GPC6: variants seen among roughly 807,000 people sequenced by gnomAD.
GPC6 encodes the protein glypican 6, also known as glypican-6.
Under a neutral mutation model 55.2 loss-of-function variants are expected in GPC6, and 14 were observed. The ratio of observed to expected loss-of-function variants is 0.25; its 90% CI spans 0.17 to 0.40. The LOEUF is 0.40. Ranked by LOEUF, GPC6 falls within the 10% of genes least tolerant of loss-of-function variation. The pLI is 1.00. For synonymous variants in GPC6, 278 were observed against 259.6 expected (o/e 1.07, Z -0.68); for missense variants, 641 against 708.5 (o/e 0.90, Z 1.08).
intron 4 of GPC6, among the ~76,000 whole-genome samples, chr13:94,196,392 C>T (rs1457919824): frequency 2.0e-5 from 3 of 152,122 alleles, no homozygotes; most frequent in Non-Finnish European, 4.4e-5. Flanking sequence ...TGTAGCTGAA[C>T]TTCATGTTAA....
At chr13:93,235,640 G>C (rs1191990880) in intron 1 of GPC6, among the ~76,000 whole-genome samples, 1 of 152,024 alleles carries the variant, frequency 6.6e-6, no homozygotes, top group East Asian at 1.9e-4. Flanking sequence ...AAGATTAAAA[G>C]GGAAAATTTT....
At position 94,192,597 on chromosome 13, in the gene GPC6, A is replaced by G. The variant is rs186096242; in HGVS notation, c.878-93752A>G. ...GCTATGAGGAGCTCAAGACAAGCAGACTAAATGTTTGTGATGTTGACATAT... is the reference window on the plus strand; with the variant it reads ...GCTATGAGGAGCTCAAGACAAGCAGGCTAAATGTTTGTGATGTTGACATAT... On this transcript the variant is annotated intron_variant, in intron 4 of 8. Coordinates refer to ENST00000377047, the MANE Select transcript of GPC6 (RefSeq NM_005708.5). Among the ~76,000 whole-genome samples, 45 of 152,312 alleles carry G rather than the reference A, an allele frequency of 3.0e-4. 1 individual carries two copies. The highest frequency in any genetic ancestry group is 9.9e-4 in the African/African-American group (41 of 41,564).
At chr13:94,142,796 A>G (rs971938720) in intron 4 of GPC6, among the ~76,000 whole-genome samples, 1 of 151,864 alleles carries the variant, frequency 6.6e-6, no homozygotes, top group African/African-American at 2.4e-5. Flanking sequence ...TAGGAGAGAG[A>G]TAGAGAGGAA....
chr13:93,502,385 A>G (rs752108917), intron 1 of GPC6, among the ~76,000 whole-genome samples: 26 of 152,142 alleles, frequency 1.7e-4, no homozygotes, highest in Non-Finnish European at 3.4e-4. Context: ...TATAAATTCC[A>G]TATAGCCAAT....
chr13:93,600,510 C>T (rs1011245535), intron 2 of GPC6, among the ~76,000 whole-genome samples: 2 of 152,114 alleles, frequency 1.3e-5, no homozygotes, highest in East Asian at 3.9e-4. Flanking sequence ...TCTAAAACGT[C>T]TCCAGAAAAA....
chr13:93,228,046 C>A (rs530808312), intron 1 of GPC6, among the ~76,000 whole-genome samples: 270 of 152,244 alleles, frequency 1.8e-3, no homozygotes, highest in South Asian at 3.9e-3. Context: ...GTCTGAGTGG[C>A]GCCTTCTCCA....
intron 2 of GPC6, among the ~76,000 whole-genome samples, chr13:93,623,018 T>C (rs1316268163): frequency 6.6e-6 from 1 of 152,218 alleles, no homozygotes; most frequent in Non-Finnish European, 1.5e-5. Context: ...GTATTTGTCT[T>C]TCTGTGCTTG....
chr13:93,360,663 C>A (rs760169528), intron 1 of GPC6, among the ~76,000 whole-genome samples: 1 of 152,048 alleles, frequency 6.6e-6, no homozygotes, highest in African/African-American at 2.4e-5. Context: ...AATCCCCCAC[C>A]CTTACTGGTA....
intron 1 of GPC6, among the ~76,000 whole-genome samples, chr13:93,273,821 T>G (rs996573187): frequency 3.9e-5 from 6 of 152,132 alleles, no homozygotes; most frequent in African/African-American, 1.4e-4. Flanking sequence ...TTTATTTTTA[T>G]TTTTTGAGAC....
intron 4 of GPC6, among the ~76,000 whole-genome samples, chr13:94,142,113 T>G (rs575807848): frequency 6.6e-6 from 1 of 152,152 alleles, no homozygotes; most frequent in Non-Finnish European, 1.5e-5. Flanking sequence ...TCTTTTATGG[T>G]CAACTCTGGT....
chr13:94,036,044 AGACG>A (rs1448555953), intron 4 of GPC6, among the ~76,000 whole-genome samples: 1 of 152,036 alleles, frequency 6.6e-6, no homozygotes, highest in Non-Finnish European at 1.5e-5. Flanking sequence ...AGGTTAGAAG[AGACG>A]GTCTCAGTGA....
intron 3 of GPC6, among the ~76,000 whole-genome samples, chr13:93,915,047 C>A (rs1877214207): frequency 6.6e-6 from 1 of 152,154 alleles, no homozygotes; most frequent in South Asian, 2.1e-4. Flanking sequence ...TCTTCCCTTT[C>A]AATGCAGCCC....
rs113220984 is a variant in GPC6 at position 93,265,647 on chromosome 13, G to A, written c.160+38031G>A. On this transcript the variant is annotated intron_variant, in intron 1 of 8. Transcript: ENST00000377047. Reference sequence around the variant, plus strand: ...AAATTTGAAAGACTTCTGGTCCCAAGCATTTCAGATAAGGGTACTCAGCTT... The same window carrying A: ...AAATTTGAAAGACTTCTGGTCCCAAACATTTCAGATAAGGGTACTCAGCTT... 7.0e-3 allele frequency among the ~76,000 whole-genome samples: 1,065 copies of A among 152,172 alleles called. 10 individuals carry two copies. Among genetic ancestry groups the A allele is most frequent in the African/African-American group, 0.023 (953 of 41,518 alleles).
At chr13:94,045,723 G>T (rs1339660546) in intron 4 of GPC6, among the ~76,000 whole-genome samples, 3 of 147,742 alleles carry the variant, frequency 2.0e-5, no homozygotes, top group African/African-American at 7.5e-5. Flanking sequence ...GAAACCAGAG[G>T]CTTCCAGCAT....
intron 2 of GPC6, among the ~76,000 whole-genome samples, chr13:93,687,833 C>T (rs2138775664): frequency 6.6e-6 from 1 of 151,836 alleles, no homozygotes; most frequent in South Asian, 2.1e-4. Flanking sequence ...TTAACCCTTT[C>T]ATCCCTTCCG....
chr13:94,327,348 C>G (rs896878539), intron 6 of GPC6, among the ~76,000 whole-genome samples: 2 of 152,084 alleles, frequency 1.3e-5, no homozygotes, highest in Non-Finnish European at 2.9e-5. Context: ...AGATGTTTTT[C>G]TCTTCTCCCT....
chr13:93,660,524 A>C (rs1307370669), intron 2 of GPC6, among the ~76,000 whole-genome samples: 1 of 152,236 alleles, frequency 6.6e-6, no homozygotes, highest in East Asian at 1.9e-4. Flanking sequence ...GTTTTTTAAA[A>C]AAATCATGGA....
chr13:93,488,595 G>A (rs1594206056), intron 1 of GPC6, among the ~76,000 whole-genome samples: 2 of 152,122 alleles, frequency 1.3e-5, no homozygotes, highest in African/African-American at 4.8e-5. Context: ...AACAGTGTAA[G>A]AGTGTTCCTA....
At chr13:94,095,627 T>A (rs1885630602) in intron 4 of GPC6, among the ~76,000 whole-genome samples, 1 of 152,174 alleles carries the variant, frequency 6.6e-6, no homozygotes, top group Non-Finnish European at 1.5e-5. Context: ...GGCTACTGAC[T>A]GACTTGTTGA....
Sources: gnomAD v4.1 joint callset for allele counts (sites outside exome capture counted in the v4.1 genomes callset) on GRCh38, gnomAD v4.1.1 for gene constraint, MANE v1.5 for transcripts, NCBI Gene and HGNC (gene_info 2026-07-23, HGNC 2026-07-21) for gene names.